The following LRP1B variants were observed in gnomAD, a reference collection of about 807,000 sequenced individuals.
The protein encoded by LRP1B is low-density lipoprotein receptor-related protein 1B.
In LRP1B, 217 loss-of-function variants were observed where a neutral mutation model predicts 556.6. That is an observed-to-expected ratio of 0.39 (90% CI 0.35 to 0.44). LRP1B has a LOEUF of 0.44. Among genes scored for constraint, LRP1B ranks in the 20% least tolerant of loss-of-function variants. The pLI is 1.00. For synonymous variants in LRP1B, 2,047 were observed against 1,865.8 expected (o/e 1.10, Z -2.50); for missense variants, 5,053 against 5,620.8 (o/e 0.90, Z 3.23).
intron 1 of LRP1B, among the ~76,000 whole-genome samples, chr2:142,123,834 AAAAT>A (rs1707544982): frequency 6.6e-6 from 1 of 151,918 alleles, no homozygotes; most frequent in Non-Finnish European, 1.5e-5. Flanking sequence ...ATATTTGAGA[AAAAT>A]AAGATTAAAC....
At chr2:141,997,627 C>T (rs1229339840) in intron 1 of LRP1B, among the ~76,000 whole-genome samples, 2 of 142,824 alleles carry the variant, frequency 1.4e-5, no homozygotes, top group East Asian at 4.2e-4. Context: ...GGATTATAGG[C>T]TTGAGCCACT....
At chr2:141,171,421 A>G (rs962622170) in intron 7 of LRP1B, among the ~76,000 whole-genome samples, 9 of 152,054 alleles carry the variant, frequency 5.9e-5, no homozygotes, top group Non-Finnish European at 5.9e-5. Flanking sequence ...AAAATGTCAT[A>G]TATTTAGTTC....
chr2:140,629,576 T>C (rs1046945008), intron 41 of LRP1B, among the ~76,000 whole-genome samples: 1 of 152,216 alleles, frequency 6.6e-6, no homozygotes, highest in African/African-American at 2.4e-5. Flanking sequence ...AACTAAATTA[T>C]GGCAAATTCA....
chr2:141,838,142 A>T (rs1470449001), intron 1 of LRP1B, among the ~76,000 whole-genome samples: 1 of 152,132 alleles, frequency 6.6e-6, no homozygotes, highest in East Asian at 1.9e-4. Flanking sequence ...CTTAAGCTAG[A>T]AGTGGGGGAT....
At chr2:141,205,262 AG>A (rs1682221727) in intron 6 of LRP1B, among the ~76,000 whole-genome samples, 2 of 152,214 alleles carry the variant, frequency 1.3e-5, no homozygotes. Flanking sequence ...ATTCAATATG[AG>A]TTCAAAAAAG....
At chr2:141,202,889 C>A (rs534052430) in intron 6 of LRP1B, among the ~76,000 whole-genome samples, 48 of 152,194 alleles carry the variant, frequency 3.2e-4, no homozygotes, top group African/African-American at 1.1e-3. Flanking sequence ...AACCCCCACC[C>A]CCCGACAGGC....
At chr2:141,730,758 T>A (rs1394256739) in intron 2 of LRP1B, among the ~76,000 whole-genome samples, 1 of 152,142 alleles carries the variant, frequency 6.6e-6, no homozygotes, top group East Asian at 1.9e-4. Context: ...TCCTCAGAAA[T>A]CATTGTACTC....
At chr2:140,543,725 A>C (rs1680221253) in intron 43 of LRP1B, among the ~76,000 whole-genome samples, 1 of 152,010 alleles carries the variant, frequency 6.6e-6, no homozygotes, top group South Asian at 2.1e-4. Flanking sequence ...GGAAAAGAGA[A>C]GTCAAACTGT....
At chr2:142,062,915 A>G (rs1315419918) in intron 1 of LRP1B, among the ~76,000 whole-genome samples, 1 of 151,680 alleles carries the variant, frequency 6.6e-6, no homozygotes, top group Admixed American at 6.6e-5. Context: ...ACCTAAAGTC[A>G]TTATGTTCAA....
At chr2:141,310,601 T>G (rs1686777208) in intron 3 of LRP1B, among the ~76,000 whole-genome samples, 2 of 151,746 alleles carry the variant, frequency 1.3e-5, no homozygotes, top group Admixed American at 1.3e-4. Context: ...CTCTCTTTTC[T>G]CTCTCTCTCT....
intron 43 of LRP1B, among the ~76,000 whole-genome samples, chr2:140,592,062 A>G (rs1486983221): frequency 6.6e-6 from 1 of 152,096 alleles, no homozygotes; most frequent in Non-Finnish European, 1.5e-5. Flanking sequence ...GTTTCCTTTG[A>G]TCATTTAGTG....
chr2:141,321,514 C>T (rs1045629052), intron 3 of LRP1B, among the ~76,000 whole-genome samples: 8 of 152,032 alleles, frequency 5.3e-5, no homozygotes, highest in Admixed American at 4.6e-4. Context: ...AATTGTTTCT[C>T]TTTGGTTATA....
chr2:140,941,869 T>C (rs1695413584), intron 20 of LRP1B, among the ~76,000 whole-genome samples: 1 of 152,150 alleles, frequency 6.6e-6, no homozygotes, highest in Non-Finnish European at 1.5e-5. Context: ...TCAAGAACTC[T>C]AGCAATTCAA....
At chr2:142,054,784 C>A (rs1251279149) in intron 1 of LRP1B, among the ~76,000 whole-genome samples, 1 of 152,058 alleles carries the variant, frequency 6.6e-6, no homozygotes, top group Non-Finnish European at 1.5e-5. Context: ...TAGTATGCAG[C>A]CCCTCACTCT....
intron 7 of LRP1B, among the ~76,000 whole-genome samples, chr2:141,121,341 G>A (rs1264831916): frequency 6.6e-6 from 1 of 151,964 alleles, no homozygotes; most frequent in Non-Finnish European, 1.5e-5. Flanking sequence ...CTTCATCTCA[G>A]AAAGGAGTAT....
At chr2:141,696,486 T>C (rs1306685333) in intron 2 of LRP1B, among the ~76,000 whole-genome samples, 3 of 151,958 alleles carry the variant, frequency 2.0e-5, no homozygotes, top group Non-Finnish European at 4.4e-5. Flanking sequence ...TAATTTAATC[T>C]CCACATTATT....
At chr2:141,890,742 G>A (rs1381429750) in intron 1 of LRP1B, among the ~76,000 whole-genome samples, 2 of 152,088 alleles carry the variant, frequency 1.3e-5, no homozygotes, top group South Asian at 2.1e-4. Context: ...GACCTTCTAA[G>A]TATCTGATTC....
intron 31 of LRP1B, among the ~76,000 whole-genome samples, chr2:140,827,895 G>A (rs999291714): frequency 6.6e-6 from 1 of 151,990 alleles, no homozygotes; most frequent in African/African-American, 2.4e-5. Context: ...AACACATAAA[G>A]GAGCTCCAAT....
chr2:141,443,402 C>T (rs192548524), intron 3 of LRP1B, among the ~76,000 whole-genome samples: 1,645 of 152,148 alleles, frequency 0.011, 10 homozygotes, highest in Non-Finnish European at 0.015. Context: ...GTGATGATAG[C>T]TTCTTTTGCT....
Sources: allele counts gnomAD v4.1 joint callset (sites outside exome capture counted in the v4.1 genomes callset), GRCh38; gene constraint gnomAD v4.1.1; transcripts MANE v1.5; gene names NCBI Gene and HGNC (gene_info 2026-07-23, HGNC 2026-07-21).